SPHKAP: variants seen among roughly 807,000 people sequenced by gnomAD.
SPHKAP encodes the protein SPHK1 interactor, AKAP domain containing, also known as A-kinase anchor protein SPHKAP.
Under a neutral mutation model 137.5 loss-of-function variants are expected in SPHKAP, and 67 were observed. The ratio of observed to expected loss-of-function variants is 0.49; its 90% confidence interval spans 0.40 to 0.60. The LOEUF (loss-of-function observed/expected upper bound fraction) is 0.60. Ranked by LOEUF, SPHKAP falls within the 20% of genes least tolerant of loss-of-function variation. SPHKAP has a pLI of 0.00. For missense variants in SPHKAP, 2,097 were observed against 2,069.3 expected, an observed-to-expected ratio of 1.01 and a Z score of -0.26; for synonymous variants, 813 against 785.3, an observed-to-expected ratio of 1.04 and a Z score of -0.59.
intron 9 of SPHKAP, 155 bp from the exon 10 acceptor site, chr2:227,991,481 A>G (rs748439117): frequency 1.0e-6 from 1 of 985,302 alleles, no homozygotes; most frequent in South Asian, 4.7e-5. Context: ...GAAAACACCA[A>G]TGTGGCTATT....
intron 2 of SPHKAP, among the ~76,000 whole-genome samples, chr2:228,109,625 A>C (rs1007807885): frequency 2.6e-5 from 4 of 152,178 alleles, no homozygotes; most frequent in African/African-American, 7.2e-5. Context: ...TGGAGCTGAG[A>C]TATTTTGAAG....
At chr2:228,023,407 CAG>C (rs1694913025) in intron 5 of SPHKAP, among the ~76,000 whole-genome samples, 1 of 152,208 alleles carries the variant, frequency 6.6e-6, no homozygotes, top group Admixed American at 6.5e-5. Context: ...TCTACTCAAT[CAG>C]AATCTGCATT....
intron 7 of SPHKAP, among the ~76,000 whole-genome samples, chr2:228,003,045 A>G (rs1412409075): frequency 6.6e-6 from 1 of 152,232 alleles, no homozygotes; most frequent in African/African-American, 2.4e-5. Flanking sequence ...TGACTTGGCA[A>G]TGCGGGCTCT....
intron 1 of SPHKAP, among the ~76,000 whole-genome samples, chr2:228,134,245 GA>G (rs1699365292): frequency 6.6e-6 from 1 of 150,790 alleles, no homozygotes; most frequent in Non-Finnish European, 1.5e-5. Context: ...AGGAAGGAAG[GA>G]AGGAAGGAAG....
At chr2:228,012,762 A>C (rs544869707) in intron 7 of SPHKAP, among the ~76,000 whole-genome samples, 50 of 152,294 alleles carry the variant, frequency 3.3e-4, no homozygotes, top group African/African-American at 1.2e-3. Flanking sequence ...TGGATACAGC[A>C]CCTAAAATAT....
At chr2:228,150,484 T>C (rs1052901224) in intron 1 of SPHKAP, among the ~76,000 whole-genome samples, 1 of 152,204 alleles carries the variant, frequency 6.6e-6, no homozygotes, top group Non-Finnish European at 1.5e-5. Context: ...CCATTTCTTC[T>C]TGAGTTACTT....
rs561339032 is a variant in SPHKAP at position 227,993,343 on chromosome 2, G to A, written c.4721+191C>T. Among the ~76,000 whole-genome samples the A allele has an allele frequency of 2.6e-5, 4 of 152,300 alleles. No homozygotes were observed. The East Asian group carries it at 7.7e-4, about 29-fold the overall frequency. On this transcript the variant is annotated intron_variant, in intron 9 of 11. Transcript: ENST00000392056. ...TGATTATTTCACAGGGGGCAGATTTGAAACCCAGAAAGCAGGTGGTGGTAG... is the reference window on the plus strand; with the variant it reads ...TGATTATTTCACAGGGGGCAGATTTAAAACCCAGAAAGCAGGTGGTGGTAG...
Position 228,017,889 on chromosome 2 carries a change from C to T in SPHKAP, c.2965G>A (p.Gly989Arg), listed in dbSNP as rs369345218. The change falls in exon 7 of 12, where the codon GGG (glycine) becomes AGG (arginine). Residue 989 changes from glycine to arginine, a missense_variant. Gly to Arg is a moderately radical substitution (Grantham distance 125). Transcript: ENST00000392056. ...LKRKKESQGSGTAVRKHKPPR... is the reference protein window; with the variant it reads ...LKRKKESQGSRTAVRKHKPPR... ...GGCTTGTGTTTCCTCACAGCGGTCC[C>T]GCTCCCCTGGCTCTCTTTCTTCCTC... 7.4e-6 allele frequency: 12 copies of T among 1,613,966 alleles called. No homozygotes were observed. The highest frequency in any genetic ancestry group is 6.7e-5 in the African/African-American group (5 of 74,908).
At chr2:228,062,039 T>C (rs1004328646) in intron 3 of SPHKAP, among the ~76,000 whole-genome samples, 12 of 152,060 alleles carry the variant, frequency 7.9e-5, no homozygotes, top group African/African-American at 2.9e-4. Flanking sequence ...CAAGGTAATA[T>C]GAAACAATTG....
At position 228,017,895 on chromosome 2, in the gene SPHKAP, C is replaced by G. The variant is rs537163068; in HGVS notation, c.2959G>C (p.Gly987Arg). The G allele has an allele frequency of 6.2e-7, 1 of 1,614,100 alleles. No individual in the cohort carries two copies. Among genetic ancestry groups the G allele is most frequent in the South Asian group, 1.1e-5 (1 of 91,072 alleles). Residue 987 changes from glycine to arginine, a missense_variant, in exon 7 of 12, where the codon GGG becomes CGG. Transcript: ENST00000392056. ...RSLKRKKESQ[G>R]SGTAVRKHKP... Reference sequence around the variant, plus strand: ...TGTTTCCTCACAGCGGTCCCGCTCCCCTGGCTCTCTTTCTTCCTCTTCAAG... The same window carrying G: ...TGTTTCCTCACAGCGGTCCCGCTCCGCTGGCTCTCTTTCTTCCTCTTCAAG...
At chr2:228,108,371 G>C (rs528897495) in intron 3 of SPHKAP, among the ~76,000 whole-genome samples, 4 of 152,022 alleles carry the variant, frequency 2.6e-5, no homozygotes, top group African/African-American at 7.2e-5. Flanking sequence ...TAAAATGTAT[G>C]ACTGTTTATT....
chr2:228,052,558 A>AT (rs948961888), intron 3 of SPHKAP, among the ~76,000 whole-genome samples: 1 of 151,970 alleles, frequency 6.6e-6, no homozygotes, highest in Non-Finnish European at 1.5e-5. Flanking sequence ...GAGTAAAATA[A>AT]TTTTTTTTGC....
chr2:228,036,443 A>C (rs1217929690), intron 3 of SPHKAP, among the ~76,000 whole-genome samples: 1 of 152,216 alleles, frequency 6.6e-6, no homozygotes, highest in East Asian at 1.9e-4. Flanking sequence ...TGGCACTGTA[A>C]ACTAGTTCAA....
At chr2:228,164,736 A>G (rs1700372019) in intron 1 of SPHKAP, among the ~76,000 whole-genome samples, 1 of 152,092 alleles carries the variant, frequency 6.6e-6, no homozygotes. Flanking sequence ...CTTCAGGCAC[A>G]CACCTAGAGC....
intron 3 of SPHKAP, among the ~76,000 whole-genome samples, chr2:228,105,633 G>T (rs1698316949): frequency 6.6e-6 from 1 of 152,194 alleles, no homozygotes; most frequent in African/African-American, 2.4e-5. Flanking sequence ...CATGTGTTGT[G>T]AGAGGGACCC....
Position 227,980,217 on chromosome 2 carries a change from C to T in SPHKAP, c.*1500G>A, listed in dbSNP as rs2106143315. Reference sequence around the variant, plus strand: ...CATTTAGTTAATGTGTCAAATTAAGCATAATAACCTAAATTTGGACTATCT... The same window carrying T: ...CATTTAGTTAATGTGTCAAATTAAGTATAATAACCTAAATTTGGACTATCT... On this transcript the variant is annotated 3_prime_UTR_variant, in exon 12 of 12. Transcript: ENST00000392056. 1 of 152,536 alleles carries T rather than the reference C, an allele frequency of 6.6e-6. No individual in the cohort carries two copies. Among genetic ancestry groups the T allele is most frequent in the South Asian group, 2.1e-4 (1 of 4,818 alleles). 9.4% of individuals were successfully genotyped at this position (152,536 alleles called of 1,614,324 possible).
At chr2:228,041,506 G>A (rs552698565) in intron 3 of SPHKAP, among the ~76,000 whole-genome samples, 13 of 151,948 alleles carry the variant, frequency 8.6e-5, no homozygotes, top group Admixed American at 3.3e-4. Flanking sequence ...TTAGCCAGGC[G>A]TGGTGGTGCG....
chr2:228,075,501 T>C (rs1233801587), intron 3 of SPHKAP, among the ~76,000 whole-genome samples: 3 of 152,208 alleles, frequency 2.0e-5, no homozygotes, highest in Admixed American at 6.5e-5. Flanking sequence ...GAGTAGCTTT[T>C]GAAATTTCTA....
intron 1 of SPHKAP, among the ~76,000 whole-genome samples, chr2:228,142,352 G>T (rs12616511): frequency 0.34 from 52,047 of 151,824 alleles, 9,201 homozygotes; most frequent in East Asian, 0.51. Context: ...ATTAAAATAA[G>T]GTGTTACTGG....
Sources: allele counts gnomAD v4.1 joint callset (sites outside exome capture counted in the v4.1 genomes callset), GRCh38; gene constraint gnomAD v4.1.1; transcripts MANE v1.5; gene names NCBI Gene and HGNC (gene_info 2026-07-23, HGNC 2026-07-21).